Variants in PHLDB2 observed in about 807,000 individuals in gnomAD.
PHLDB2 encodes pleckstrin homology like domain family B member 2.
In PHLDB2, 71 loss-of-function variants were observed where a neutral mutation model predicts 123.6. The ratio of observed to expected loss-of-function variants is 0.57; its 90% CI spans 0.47 to 0.70. The LOEUF (loss-of-function observed/expected upper bound fraction) is 0.70. Among genes scored for constraint, PHLDB2 ranks in the 30% least tolerant of loss-of-function variants. The pLI is 0.00. For missense variants in PHLDB2, 1,446 were observed against 1,519.5 expected, an observed-to-expected ratio of 0.95 and a Z score of 0.80; for synonymous variants, 547 against 541.6, an observed-to-expected ratio of 1.01 and a Z score of -0.14.
chr3:111,926,614 A>T (rs2068826861), intron 5 of PHLDB2, among the ~76,000 whole-genome samples: 1 of 150,736 alleles, frequency 6.6e-6, no homozygotes. Context: ...TATGCTAAAC[A>T]TTCATCAATT....
At chr3:111,765,434 T>C (rs981664367) in intron 1 of PHLDB2, among the ~76,000 whole-genome samples, 1 of 152,168 alleles carries the variant, frequency 6.6e-6, no homozygotes, top group Non-Finnish European at 1.5e-5. Context: ...CTGAAAGCCA[T>C]CCACAAAATT....
intron 13 of PHLDB2, 118 bp downstream of exon 13, chr3:111,962,430 G>C (rs1241469530): frequency 6.3e-6 from 5 of 795,042 alleles, no homozygotes; most frequent in South Asian, 1.8e-5. Context: ...AGACATAAAG[G>C]GTCTGTAATG....
chr3:111,824,180 TTCTC>T (rs1350739691), intron 1 of PHLDB2, among the ~76,000 whole-genome samples: 3 of 152,226 alleles, frequency 2.0e-5, no homozygotes, highest in Admixed American at 6.5e-5. Flanking sequence ...GTCGGTTCTT[TTCTC>T]TCTGTCTTCT....
At chr3:111,832,139 C>G (rs1433137372) in intron 1 of PHLDB2, among the ~76,000 whole-genome samples, 1 of 152,144 alleles carries the variant, frequency 6.6e-6, no homozygotes, top group Non-Finnish European at 1.5e-5. Context: ...CCAGATACAC[C>G]CTTGACTGCT....
chr3:111,841,710 T>A (rs1330169175), intron 1 of PHLDB2, among the ~76,000 whole-genome samples: 1 of 152,078 alleles, frequency 6.6e-6, no homozygotes, highest in African/African-American at 2.4e-5. Context: ...TGTGGAGGAG[T>A]TAAGGAGAGT....
intron 12 of PHLDB2, among the ~76,000 whole-genome samples, chr3:111,954,609 A>G (rs1193909605): frequency 6.6e-6 from 1 of 152,216 alleles, no homozygotes; most frequent in Non-Finnish European, 1.5e-5. Context: ...TCATGGGGCT[A>G]GAAGAAATTA....
At chr3:111,846,903 C>G (rs908453304) in intron 2 of PHLDB2, among the ~76,000 whole-genome samples, 5 of 152,148 alleles carry the variant, frequency 3.3e-5, no homozygotes, top group African/African-American at 9.7e-5. Context: ...ACTTTGACAT[C>G]TAACCAAAAC....
intron 11 of PHLDB2, among the ~76,000 whole-genome samples, chr3:111,953,595 A>G (rs1289138145): frequency 1.3e-5 from 2 of 152,156 alleles, no homozygotes; most frequent in Non-Finnish European, 2.9e-5. Context: ...CATGGTGCGC[A>G]TGCATTCTTG....
chr3:111,861,678 A>G (rs1040594520), intron 1 of PHLDB2, among the ~76,000 whole-genome samples: 1 of 152,202 alleles, frequency 6.6e-6, no homozygotes, highest in Non-Finnish European at 1.5e-5. Flanking sequence ...TACTTGGGAA[A>G]TTGGACTGAG....
At chr3:111,908,260 G>A (rs1047363143) in intron 2 of PHLDB2, among the ~76,000 whole-genome samples, 13 of 152,172 alleles carry the variant, frequency 8.5e-5, no homozygotes, top group Admixed American at 3.3e-4. Context: ...CTCTTTGGGC[G>A]AAGACAAATT....
At chr3:111,893,961 C>A (rs1279742097) in intron 2 of PHLDB2, among the ~76,000 whole-genome samples, 1 of 142,940 alleles carries the variant, frequency 7.0e-6, no homozygotes, top group Non-Finnish European at 1.5e-5. Flanking sequence ...GCACATTGTG[C>A]AGGTTAGTTA....
At chr3:111,816,633 A>AGG (rs1226962541) in intron 1 of PHLDB2, among the ~76,000 whole-genome samples, 2 of 152,208 alleles carry the variant, frequency 1.3e-5, no homozygotes, top group Non-Finnish European at 2.9e-5. Context: ...TTGAATTTAC[A>AGG]GGCTCATAGG....
Position 111,790,695 on chromosome 3 carries a change from G to T in PHLDB2, c.-48-55126G>T, listed in dbSNP as rs139412357. Among the ~76,000 whole-genome samples the T allele has an allele frequency of 1.8e-3, 281 of 152,262 alleles. 1 individual carries two copies. Among genetic ancestry groups the T allele is most frequent in the African/African-American group, 6.4e-3 (268 of 41,556 alleles). Reference sequence around the variant, plus strand: ...CTTTAGGATACTCTGGACGTAAAATGACATAAAATGAAGACAATCATAACA... The same window carrying T: ...CTTTAGGATACTCTGGACGTAAAATTACATAAAATGAAGACAATCATAACA... On this transcript the variant is annotated intron_variant, in intron 1 of 17. Coordinates refer to the PHLDB2 transcript ENST00000393923.
Position 111,967,774 on chromosome 3 carries a change from C to A in PHLDB2, c.3265C>A (p.Gln1089Lys). The A allele has an allele frequency of 6.2e-7, 1 of 1,612,188 alleles. No individual in the cohort carries two copies. ...KRLQEETSQR[Q>K]KLIEKEVKIR... ...ATTACAGGAAGAAACTAGCCAGAGG[C>A]AGAAGTTAATAGAAAAGGAAGTAAA... Residue 1089 changes from glutamine to lysine, a missense_variant, in exon 15 of 18, where the codon CAG becomes AAG. Physicochemically the swap from Gln to Lys is moderately conservative, Grantham distance 53 (BLOSUM62 1). Coordinates refer to ENST00000431670, the MANE Select transcript of PHLDB2 (RefSeq NM_001134438.2).
At position 111,878,403 on chromosome 3, in the gene PHLDB2, G is replaced by T. The variant is rs907756562; in HGVS notation, c.-14-5661G>T. Among the ~76,000 whole-genome samples the T allele has an allele frequency of 3.3e-5, 5 of 152,296 alleles. No individual in the cohort carries two copies. In the East Asian group the frequency reaches 9.6e-4, roughly 29 times the overall value. On this transcript the variant is annotated intron_variant, in intron 1 of 17. Transcript: ENST00000431670. Reference sequence around the variant, plus strand: ...CTTGTGATTTTTGCACATTGATTCTGTATCCTGAGACTTCGCTGAAGTTGC... The same window carrying T: ...CTTGTGATTTTTGCACATTGATTCTTTATCCTGAGACTTCGCTGAAGTTGC...
chr3:111,806,578 G>A (rs555020347), intron 1 of PHLDB2, among the ~76,000 whole-genome samples: 11 of 151,172 alleles, frequency 7.3e-5, no homozygotes, highest in East Asian at 2.0e-4. Flanking sequence ...TCTGCTTCCC[G>A]GGTTCAAGCA....
intron 1 of PHLDB2, among the ~76,000 whole-genome samples, chr3:111,793,714 T>A (rs2061027818): frequency 6.6e-6 from 1 of 151,792 alleles, no homozygotes; most frequent in South Asian, 2.1e-4. Context: ...GTCCAAGGAC[T>A]CTTTGGTCAG....
chr3:111,881,434 G>T (rs1312867463), intron 1 of PHLDB2, among the ~76,000 whole-genome samples: 1 of 152,134 alleles, frequency 6.6e-6, no homozygotes, highest in Non-Finnish European at 1.5e-5. Flanking sequence ...ACTTATTACT[G>T]CAATATTAAA....
intron 9 of PHLDB2, 32 bp from the exon 10 acceptor site, chr3:111,948,900 T>G (rs1207172823): frequency 6.2e-7 from 1 of 1,610,204 alleles, no homozygotes; most frequent in Admixed American, 1.7e-5. Context: ...TTTTGCTTTC[T>G]TTGTGTTTAA....
Sources: allele counts gnomAD v4.1 joint callset (sites outside exome capture counted in the v4.1 genomes callset), GRCh38; gene constraint gnomAD v4.1.1; transcripts MANE v1.5; gene names NCBI Gene and HGNC (gene_info 2026-07-23, HGNC 2026-07-21).